CENPF: variants seen among roughly 807,000 people sequenced by gnomAD.
CENPF encodes the protein AH antigen.
In CENPF, 214 loss-of-function variants were observed where a neutral mutation model predicts 307.3. The observed-to-expected ratio is 0.70, with a 90% CI of 0.62 to 0.78. The LOEUF (loss-of-function observed/expected upper bound fraction) is 0.78, where lower values mean the gene tolerates loss of function less well. Among genes scored for constraint, CENPF ranks in the 30% least tolerant of loss-of-function variants. The probability of loss-of-function intolerance (pLI) is 0.00; values close to 1 mark genes in which losing one functional copy is unlikely to be tolerated. For synonymous variants in CENPF, 1,259 were observed against 1,270.6 expected (o/e 0.99, Z 0.19); for missense variants, 3,401 against 3,483.9 (o/e 0.98, Z 0.60).
intron 3 of CENPF, among the ~76,000 whole-genome samples, chr1:214,616,833 TCCTCTTTCTTTCTTTCTTTC>T (rs1657353069): frequency 6.8e-6 from 1 of 147,810 alleles, no homozygotes; most frequent in Non-Finnish European, 1.5e-5. Context: ...TTTCCTTCCT[TCCTCTTTCTTTCTTTCTTTC>T]TTTCTTTCTT....
rs1658152560 is a variant in CENPF, at chr1:214,642,486, C to T, written c.4148C>T (p.Pro1383Leu). 1 of 1,608,726 alleles carries T rather than the reference C, an allele frequency of 6.2e-7. No homozygotes were observed. The highest frequency in any genetic ancestry group is 8.5e-7 in the Non-Finnish European group (1 of 1,177,512). Residue 1383 changes from proline to leucine, a missense_variant, in exon 12 of 20, where the codon CCA (proline) becomes CTA (leucine). Coordinates refer to ENST00000366955, the MANE Select transcript of CENPF (RefSeq NM_016343.4). ...PNEQHPVSLA[P>L]LDESNSYEHL... ...GAACAGCACCCTGTGTCTTTGGCTC[C>T]ATTGGACGAGAGTAATTCCTACGAG...
rs438034 is a variant in CENPF, at chr1:214,657,274, A to G, written c.8827A>G (p.Arg2943Gly). The G allele has an allele frequency of 0.56, 896,575 of 1,613,690 alleles. 255,407 individuals are homozygous for G. Among genetic ancestry groups the G allele is most frequent in the East Asian group, 0.88 (39,425 of 44,848 alleles). ...QRSSGIWENG[R>G]GPTPATPESF... ...ATCCAGTGGAATATGGGAGAATGGT[A>G]GAGGACCAACACCTGCTACCCCAGA... The change falls in exon 18 of 20, where the codon AGA (arginine) becomes GGA (glycine). Residue 2943 changes from arginine (R) to glycine (G), a missense_variant. Coordinates refer to ENST00000366955, the MANE Select transcript of CENPF (RefSeq NM_016343.4).
Position 214,608,555 on chromosome 1 carries a change from G to T in CENPF, c.-41-5159G>T, listed in dbSNP as rs1038922492. On this transcript the variant is annotated intron_variant, in intron 1 of 19. Transcript: ENST00000366955. ...ACATACATGCAGGAGACGCGGTTGC[G>T]GCGGGCGCTCTTGGTGGGGAAGACC... is the stretch of plus-strand genomic sequence containing the variant. The T allele has an allele frequency of 1.7e-4, 270 of 1,610,988 alleles. 2 individuals are homozygous for T. The highest frequency in any genetic ancestry group is 2.2e-4 in the Non-Finnish European group (261 of 1,179,742).
rs770503877 is a variant in CENPF at position 214,650,629 on chromosome 1, T to C, written c.7984-1081T>C. Among the ~76,000 whole-genome samples, 10 of 152,068 alleles carry C rather than the reference T, an allele frequency of 6.6e-5. 1 individual carries two copies. The highest frequency in any genetic ancestry group is 1.0e-4 in the Non-Finnish European group (7 of 67,996). On this transcript the variant is annotated intron_variant, in intron 14 of 19. Coordinates refer to ENST00000366955, the MANE Select transcript of CENPF (RefSeq NM_016343.4). ...TCAAGAAGGAGGGAGTGGCTGGATA[T>C]AGTGGCTCATGCCTGTAATCCCAGC...
At chr1:214,607,502 C>T (rs542771600) in intron 1 of CENPF, among the ~76,000 whole-genome samples, 37 of 152,274 alleles carry the variant, frequency 2.4e-4, no homozygotes, top group African/African-American at 7.0e-4. Flanking sequence ...CTCCCAGGCC[C>T]ACAGCAGGGA....
chr1:214,642,082 C>T lies in CENPF; in HGVS notation c.3744C>T (p.Ser1248=). The change falls in exon 12 of 20, where the codon AGC becomes AGT. Residue 1248 remains serine, a synonymous_variant. Transcript: ENST00000366955. ...CAATTAGAGGAGATCTTGAAACCAG[C>T]AATTTGCAAGACATGCAGTCACAAG... The part of the protein sequence containing the change: ...LQTIRGDLET[S]NLQDMQSQEI... 1 of 1,610,622 alleles carries T rather than the reference C, an allele frequency of 6.2e-7. No homozygotes were observed. Among genetic ancestry groups the T allele is most frequent in the Non-Finnish European group, 8.5e-7 (1 of 1,178,978 alleles).
At chr1:214,639,845 C>A (rs988628113) in intron 11 of CENPF, 76 bp from the exon 12 acceptor site, 9 of 915,688 alleles carry the variant, frequency 9.8e-6, no homozygotes, top group Non-Finnish European at 1.3e-5. Flanking sequence ...TGCCAGGGGG[C>A]GGGGGGAGGG....
intron 11 of CENPF, among the ~76,000 whole-genome samples, chr1:214,638,781 G>C (rs1470933235): frequency 6.6e-6 from 1 of 152,154 alleles, no homozygotes; most frequent in Non-Finnish European, 1.5e-5. Flanking sequence ...TCCAGCCAGG[G>C]CGACAGAGCG....
In CENPF at chr1:214,646,378, G is replaced by T. The variant is rs1304393387; in HGVS notation, c.6808G>T (p.Glu2270Ter). 3 of 1,614,134 alleles carry T rather than the reference G, an allele frequency of 1.9e-6. No homozygotes were observed. The highest frequency in any genetic ancestry group is 1.1e-5 in the South Asian group (1 of 91,072). The change falls in exon 13 of 20, where the codon GAG becomes TAG. Residue 2270 changes from glutamate to a stop codon, truncating the protein, a stop_gained. Coordinates refer to ENST00000366955, the MANE Select transcript of CENPF (RefSeq NM_016343.4). LOFTEE classifies it high-confidence loss of function. ...TCAGAATCAGTTAAAGGAGCTAAAT[G>T]AGGCAGTAGCAGCCTTGTGTGGTGA... ...MLQNQLKELN[E>*]AVAALCGDQE...
chr1:214,620,873 A>T lies in CENPF; in HGVS notation c.792A>T (p.Arg264Ser). 6.2e-7 allele frequency: 1 copy of T among 1,614,194 alleles called. No homozygotes were observed. Among genetic ancestry groups the T allele is most frequent in the Middle Eastern group, 1.7e-4 (1 of 6,060 alleles). ...PSRSTLQIGK[R>S]DANSSFFDNS... ...GATCAACTTTGCAAATAGGGAAAAGAGATGCTAATAGCAGTTTCTTTGACA... is the reference window on the plus strand; with the variant it reads ...GATCAACTTTGCAAATAGGGAAAAGTGATGCTAATAGCAGTTTCTTTGACA... The change falls in exon 6 of 20, where the codon AGA (arginine) becomes AGT (serine). Residue 264 changes from arginine to serine, a missense_variant. Arg to Ser is a moderately radical substitution (Grantham distance 110, BLOSUM62 -1). Transcript: ENST00000366955.
chr1:214,615,289 T>C (rs1657305412), intron 3 of CENPF: 1 of 237,790 alleles, frequency 4.2e-6, no homozygotes, highest in Non-Finnish European at 8.2e-6. Flanking sequence ...ATTCATTCAG[T>C]ATATGTTTAT....
chr1:214,632,352 CTG>C, intron 9 of CENPF, 126 bp from the exon 10 acceptor site: 1 of 975,216 alleles, frequency 1.0e-6, no homozygotes, highest in Non-Finnish European at 1.5e-6. Flanking sequence ...GTGACGTATA[CTG>C]TATCTCAGCC....
chr1:214,643,826 T>G (rs1201984466), intron 12 of CENPF, among the ~76,000 whole-genome samples: 2 of 152,240 alleles, frequency 1.3e-5, no homozygotes, highest in Non-Finnish European at 2.9e-5. Flanking sequence ...TACAAAAATA[T>G]GATTTGGTAT....
chr1:214,610,019 CT>C (rs34695664), intron 1 of CENPF, among the ~76,000 whole-genome samples: 53,534 of 130,186 alleles, frequency 0.41, 11,057 homozygotes, highest in Non-Finnish European at 0.51. Flanking sequence ...GTGCATGTGC[CT>C]TTTTTTTTTT....
At chr1:214,628,711 C>T (rs1383872628) in intron 7 of CENPF, among the ~76,000 whole-genome samples, 2 of 152,186 alleles carry the variant, frequency 1.3e-5, no homozygotes, top group Non-Finnish European at 2.9e-5. Context: ...CCACAAAATC[C>T]ATTATGCTTG....
At chr1:214,635,355 C>T (rs376897956) in intron 10 of CENPF, among the ~76,000 whole-genome samples, 1 of 152,224 alleles carries the variant, frequency 6.6e-6, no homozygotes, top group Admixed American at 6.5e-5. Flanking sequence ...TCCCTTGCTG[C>T]TCCTAAAGCG....
intron 3 of CENPF, among the ~76,000 whole-genome samples, chr1:214,617,875 C>T (rs892904136): frequency 6.6e-6 from 1 of 152,126 alleles, no homozygotes; most frequent in Non-Finnish European, 1.5e-5. Context: ...GAATATATTC[C>T]AATCCTCCAA....
chr1:214,644,947 C>T lies in CENPF; in HGVS notation c.5377C>T (p.Arg1793Cys), dbSNP rs375398134. The change falls in exon 13 of 20, where the codon CGT becomes TGT. Residue 1793 changes from arginine (R) to cysteine (C), a missense_variant. Arg to Cys is a radical substitution (Grantham distance 180). Coordinates refer to ENST00000366955, the MANE Select transcript of CENPF (RefSeq NM_016343.4). ...NLRLLHVIED[R>C]DRKVESLLNE... ...GAGATTACTTCATGTGATAGAGGAC[C>T]GTGACAGAAAAGTTGAAAGTTTGCT... 8 of 1,612,746 alleles carry T rather than the reference C, an allele frequency of 5.0e-6. No homozygotes were observed. Among genetic ancestry groups the T allele is most frequent in the Admixed American group, 1.7e-5 (1 of 59,750 alleles).
chr1:214,609,427 G>GA (rs761745512), intron 1 of CENPF, among the ~76,000 whole-genome samples: 3 of 152,162 alleles, frequency 2.0e-5, no homozygotes, highest in Non-Finnish European at 4.4e-5. Context: ...CCGGGTCAGG[G>GA]ATCTCAGAAA....
Sources: gnomAD v4.1 joint callset for allele counts (sites outside exome capture counted in the v4.1 genomes callset) on GRCh38, gnomAD v4.1.1 for gene constraint, MANE v1.5 for transcripts, NCBI Gene and HGNC (gene_info 2026-07-23, HGNC 2026-07-21) for gene names.